The following VPS13B variants were observed in gnomAD, a reference collection of about 807,000 sequenced individuals.
VPS13B encodes vacuolar protein sorting 13 homolog B.
A neutral mutation model predicts 426.4 loss-of-function variants in VPS13B; 285 were observed. That is an observed-to-expected ratio of 0.67 (90% confidence interval 0.61 to 0.74). VPS13B has a LOEUF of 0.74. Ranked by LOEUF, VPS13B falls within the 30% of genes least tolerant of loss-of-function variation. The pLI is 0.00. For missense variants in VPS13B, 4,537 were observed against 4,782.6 expected (o/e 0.95, Z 1.51); for synonymous variants, 1,676 against 1,676.4 (o/e 1.00, Z 0.01).
At chr8:99,838,777 A>G (rs1815522438) in intron 54 of VPS13B, among the ~76,000 whole-genome samples, 1 of 152,204 alleles carries the variant, frequency 6.6e-6, no homozygotes, top group Non-Finnish European at 1.5e-5. Context: ...GAGGTCAAGG[A>G]GGGTGTCTCT....
intron 3 of VPS13B, among the ~76,000 whole-genome samples, chr8:99,079,723 A>G (rs1322144015): frequency 1.3e-5 from 2 of 152,076 alleles, no homozygotes; most frequent in Non-Finnish European, 2.9e-5. Context: ...TCAATACTTG[A>G]TAGTTTCATA....
rs953337749 is a variant in VPS13B at position 99,148,544 on chromosome 8, G to A, written c.2013+534G>A. ...GTATAAAGAAATGTTGAAGAATATG[G>A]GCCTAGAAGTCAGACCATATGCCAG... On this transcript the variant is annotated intron_variant, in intron 14 of 61. Coordinates refer to ENST00000357162, the MANE Select transcript of VPS13B (RefSeq NM_152564.5). Among the ~76,000 whole-genome samples the A allele has an allele frequency of 3.3e-5, 5 of 151,416 alleles. No homozygotes were observed. The East Asian group carries it at 9.7e-4, about 29-fold the overall frequency.
chr8:99,089,486 A>G (rs1846028181), intron 3 of VPS13B, among the ~76,000 whole-genome samples: 1 of 152,184 alleles, frequency 6.6e-6, no homozygotes, highest in Non-Finnish European at 1.5e-5. Flanking sequence ...ATCAATATAT[A>G]TCAAATGTAC....
chr8:99,067,875 C>T (rs901192412), intron 3 of VPS13B, among the ~76,000 whole-genome samples: 43 of 152,230 alleles, frequency 2.8e-4, no homozygotes, highest in East Asian at 3.9e-4. Flanking sequence ...TGAATACTCT[C>T]GGAGTTCGTT....
At chr8:99,482,730 GA>G (rs1047724630) in intron 25 of VPS13B, among the ~76,000 whole-genome samples, 1 of 151,958 alleles carries the variant, frequency 6.6e-6, no homozygotes, top group African/African-American at 2.4e-5. Context: ...CAAAAATGAA[GA>G]AAAAAGTGTT....
intron 3 of VPS13B, among the ~76,000 whole-genome samples, chr8:99,086,420 C>T (rs1369971118): frequency 6.6e-6 from 1 of 152,250 alleles, no homozygotes; most frequent in African/African-American, 2.4e-5. Context: ...TCCTTTAGCT[C>T]AGAGTAGTTT....
At chr8:99,855,107 G>A (rs949828489) in intron 56 of VPS13B, among the ~76,000 whole-genome samples, 1 of 152,224 alleles carries the variant, frequency 6.6e-6, no homozygotes, top group African/African-American at 2.4e-5. Flanking sequence ...CAGGCGCAGT[G>A]GCTCACACCT....
In VPS13B at chr8:99,234,358, C is replaced by G; in HGVS notation, c.2516-39840C>G. 4.1e-6 allele frequency: 3 copies of G among 739,064 alleles called. No homozygotes were observed. In the Admixed American group the frequency reaches 5.2e-5, roughly 13 times the overall value. 45.8% of individuals were successfully genotyped at this position (739,064 alleles called of 1,614,324 possible). A position where few individuals can be genotyped will look rare whatever the true frequency, so the allele number is the denominator to read the frequency against. On this transcript the variant is annotated intron_variant, in intron 17 of 61. Coordinates refer to ENST00000357162, the MANE Select transcript of VPS13B (RefSeq NM_152564.5). ...AAGGTGCATCCAACATCGCCCACTGCAGGTGAGGAGGTATGTTTCAAATCT... is the reference window on the plus strand; with the variant it reads ...AAGGTGCATCCAACATCGCCCACTGGAGGTGAGGAGGTATGTTTCAAATCT...
intron 19 of VPS13B, among the ~76,000 whole-genome samples, chr8:99,292,055 T>G (rs1435305227): frequency 6.6e-6 from 1 of 152,126 alleles, no homozygotes; most frequent in Non-Finnish European, 1.5e-5. Context: ...AAGACAAATT[T>G]TTAAAATTTG....
intron 3 of VPS13B, among the ~76,000 whole-genome samples, chr8:99,082,251 A>G (rs1011553681): frequency 1.3e-5 from 2 of 152,150 alleles, no homozygotes; most frequent in South Asian, 2.1e-4. Context: ...TTGGCTGCAT[A>G]AATGTCTTCT....
chr8:99,466,239 G>A (rs1283397968), intron 23 of VPS13B, among the ~76,000 whole-genome samples: 1 of 152,070 alleles, frequency 6.6e-6, no homozygotes, highest in Non-Finnish European at 1.5e-5. Flanking sequence ...TGGCAAAATA[G>A]AAGGTAAATT....
At chr8:99,366,642 T>A (rs1458401098) in intron 19 of VPS13B, among the ~76,000 whole-genome samples, 1 of 152,018 alleles carries the variant, frequency 6.6e-6, no homozygotes, top group Non-Finnish European at 1.5e-5. Flanking sequence ...CCGTTTCTTA[T>A]TGTTTTCTCA....
In VPS13B at chr8:99,121,468, T is replaced by A. The variant is rs745316537; in HGVS notation, c.1206+23T>A. 4.3e-6 allele frequency: 7 copies of A among 1,611,286 alleles called. No individual in the cohort carries two copies. In the East Asian group the frequency reaches 1.3e-4, roughly 31 times the overall value. ...AAAGTAGGTCTTTTCTCTTGCTGTT[T>A]ATATCTCTATCAACTTTAATGCTTA... On this transcript the variant is annotated intron_variant, in intron 8 of 61. Coordinates refer to ENST00000357162, the MANE Select transcript of VPS13B (RefSeq NM_152564.5).
chr8:99,456,361 G>A (rs79714241), intron 23 of VPS13B, among the ~76,000 whole-genome samples: 9,094 of 152,024 alleles, frequency 0.06, 286 homozygotes, highest in South Asian at 0.095. Context: ...TAGAGACAGC[G>A]TTTCACCATC....
chr8:99,849,932 T>C (rs569502862), intron 55 of VPS13B, among the ~76,000 whole-genome samples: 152 of 143,860 alleles, frequency 1.1e-3, no homozygotes, highest in African/African-American at 4.0e-3. Flanking sequence ...TAAGTACGCA[T>C]GTATGTACTT....
At chr8:99,138,102 A>G (rs1810174737) in intron 12 of VPS13B, among the ~76,000 whole-genome samples, 1 of 152,122 alleles carries the variant, frequency 6.6e-6, no homozygotes, top group South Asian at 2.1e-4. Flanking sequence ...ACTAGCATTT[A>G]GTTCATATGT....
rs1816114271 is a variant in VPS13B at position 99,848,841 on chromosome 8, C to T, written c.10008C>T (p.Phe3336=). 1 of 1,614,158 alleles carries T rather than the reference C, an allele frequency of 6.2e-7. No individual in the cohort carries two copies. Among genetic ancestry groups the T allele is most frequent in the East Asian group, 2.2e-5 (1 of 44,874 alleles). The change falls in exon 55 of 62, where the codon TTC becomes TTT. Residue 3336 remains phenylalanine (F), a synonymous_variant. Transcript: ENST00000357162. ...TTGTACATCAGTGTGGCACAGTCTT[C>T]ATCACTGTGGCCCCAGAAGGAAAAG... ...VDVVHQCGTV[F]ITVAPEGKAG...
chr8:99,085,770 T>C (rs1845744762), intron 3 of VPS13B, among the ~76,000 whole-genome samples: 1 of 152,360 alleles, frequency 6.6e-6, no homozygotes, highest in East Asian at 1.9e-4. Flanking sequence ...GAACGTTGAA[T>C]ATTGGCCCCA....
intron 33 of VPS13B, among the ~76,000 whole-genome samples, chr8:99,637,578 C>CA (rs368848721): frequency 6.6e-6 from 1 of 152,198 alleles, no homozygotes; most frequent in Non-Finnish European, 1.5e-5. Flanking sequence ...GCCATCCTGC[C>CA]ACTGCTGGTT....
Sources: gnomAD v4.1 joint callset for allele counts (sites outside exome capture counted in the v4.1 genomes callset) on GRCh38, gnomAD v4.1.1 for gene constraint, MANE v1.5 for transcripts, NCBI Gene and HGNC (gene_info 2026-07-23, HGNC 2026-07-21) for gene names.